Variants in COL4A1 observed in about 807,000 individuals in gnomAD.
COL4A1 encodes the protein collagen alpha-1(IV) chain.
In COL4A1, 40 loss-of-function variants were observed where a neutral mutation model predicts 216.6. The ratio of observed to expected loss-of-function variants is 0.18; its 90% CI spans 0.14 to 0.24. The LOEUF is 0.24. COL4A1 is among the 10% of genes least tolerant of loss of function. The pLI, the probability that COL4A1 is intolerant of heterozygous loss-of-function variation, is 1.00. For missense variants in COL4A1, 1,628 were observed against 2,196.8 expected, an observed-to-expected ratio of 0.74 and a Z score of 5.18; for synonymous variants, 839 against 810.7, an observed-to-expected ratio of 1.03 and a Z score of -0.59.
intron 43 of COL4A1, among the ~76,000 whole-genome samples, chr13:110,168,340 C>A (rs1050035301): frequency 1.3e-5 from 2 of 152,138 alleles, no homozygotes; most frequent in Non-Finnish European, 2.9e-5. Flanking sequence ...TTCTATGTTA[C>A]TGAGGAATAA....
At chr13:110,271,071 C>G (rs576929249) in intron 1 of COL4A1, among the ~76,000 whole-genome samples, 27 of 152,270 alleles carry the variant, frequency 1.8e-4, no homozygotes, top group African/African-American at 4.6e-4. Flanking sequence ...AAATGGATTA[C>G]AATTCATAGA....
Position 110,243,180 on chromosome 13 carries a change from C to T in COL4A1, c.85-446G>A, listed in dbSNP as rs993808561. On this transcript the variant is annotated intron_variant, in intron 1 of 51. Coordinates refer to ENST00000375820, the MANE Select transcript of COL4A1 (RefSeq NM_001845.6). The stretch of plus-strand genomic sequence containing the variant: ...ACGTGGTCTCAAGGACACACGGCCG[C>T]GCAAAAAAAAGTTTGTACAGAACAG... Among the ~76,000 whole-genome samples, 14 of 142,866 alleles carry T rather than the reference C, an allele frequency of 9.8e-5. 1 individual carries two copies. The highest frequency in any genetic ancestry group is 4.4e-4 in the South Asian group (2 of 4,576). 93.7% of individuals were successfully genotyped at this position (142,866 alleles called of 152,430 possible).
At chr13:110,233,148 C>A (rs963761161) in intron 2 of COL4A1, among the ~76,000 whole-genome samples, 5 of 152,158 alleles carry the variant, frequency 3.3e-5, no homozygotes, top group African/African-American at 9.6e-5. Flanking sequence ...TGAATTCAGG[C>A]ATATTTTTAA....
chr13:110,276,374 A>G (rs1427216029), intron 1 of COL4A1, among the ~76,000 whole-genome samples: 1 of 152,164 alleles, frequency 6.6e-6, no homozygotes, highest in Non-Finnish European at 1.5e-5. Context: ...TGGTTCAATA[A>G]ATCACTGCAG....
intron 1 of COL4A1, among the ~76,000 whole-genome samples, chr13:110,289,987 T>C (rs1884020010): frequency 6.6e-6 from 1 of 152,136 alleles, no homozygotes; most frequent in African/African-American, 2.4e-5. Context: ...AGGGTCTGCT[T>C]CTGAAAAGGG....
rs1160736554 is a variant in COL4A1, at chr13:110,150,206, G to A, written c.*157C>T. The A allele has an allele frequency of 2.7e-6, 2 of 727,654 alleles. No homozygotes were observed. The highest frequency in any genetic ancestry group is 4.9e-6 in the Non-Finnish European group (2 of 410,564). 45.1% of individuals were successfully genotyped at this position (727,654 alleles called of 1,614,324 possible). A position where few individuals can be genotyped will look rare whatever the true frequency, so the allele number is the denominator to read the frequency against. ...TCTCCTTCAGCAAGTAGAGGTCAATGAAGCAGGGTGTGTTAGTTACGCAAA... is the reference window on the plus strand; with the variant it reads ...TCTCCTTCAGCAAGTAGAGGTCAATAAAGCAGGGTGTGTTAGTTACGCAAA... On this transcript the variant is annotated 3_prime_UTR_variant, in exon 52 of 52. Transcript: ENST00000375820.
chr13:110,229,334 C>T (rs1463585592), intron 2 of COL4A1, among the ~76,000 whole-genome samples: 7 of 152,214 alleles, frequency 4.6e-5, no homozygotes, highest in South Asian at 2.1e-4. Context: ...AGGACACTAA[C>T]ATTTAGAAGG....
At chr13:110,196,260 T>G (rs920748913) in intron 21 of COL4A1, among the ~76,000 whole-genome samples, 2 of 152,062 alleles carry the variant, frequency 1.3e-5, no homozygotes, top group East Asian at 3.9e-4. Context: ...TCACCATGGG[T>G]CCCCCACAGC....
At chr13:110,251,544 A>G (rs1882072269) in intron 1 of COL4A1, among the ~76,000 whole-genome samples, 1 of 152,204 alleles carries the variant, frequency 6.6e-6, no homozygotes. Context: ...CAAGCTGGAT[A>G]AGGAAAGGTG....
At chr13:110,271,980 G>C (rs1883259813) in intron 1 of COL4A1, among the ~76,000 whole-genome samples, 1 of 152,186 alleles carries the variant, frequency 6.6e-6, no homozygotes, top group Admixed American at 6.5e-5. Context: ...TTCAAAGCCA[G>C]TTTTACAGGT....
At chr13:110,206,535 C>A in intron 15 of COL4A1, 130 bp downstream of exon 15, 1 of 1,069,378 alleles carries the variant, frequency 9.4e-7, no homozygotes, top group Non-Finnish European at 1.4e-6. Flanking sequence ...CGGAAAAGCC[C>A]TTCGGGGCAT....
intron 1 of COL4A1, among the ~76,000 whole-genome samples, chr13:110,248,533 G>A (rs1429529967): frequency 6.6e-6 from 1 of 151,858 alleles, no homozygotes; most frequent in Non-Finnish European, 1.5e-5. Context: ...GCTCTGTGGC[G>A]CAGGCTGGAG....
intron 24 of COL4A1, among the ~76,000 whole-genome samples, chr13:110,187,556 T>C (rs933260552): frequency 6.6e-6 from 1 of 152,134 alleles, no homozygotes; most frequent in African/African-American, 2.4e-5. Flanking sequence ...AATTAGATAT[T>C]TCAAGCAAAG....
At position 110,214,030 on chromosome 13, in the gene COL4A1, C is replaced by T; in HGVS notation, c.145-15G>A. ...CCTCTTTCACCCTACAGAAGAGGAA[C>T]ATCAGTCAGGCAAAAGGCAGCAGTA... On this transcript the variant is annotated splice_polypyrimidine_tract_variant and intron_variant, in intron 2 of 51. Coordinates refer to ENST00000375820, the MANE Select transcript of COL4A1 (RefSeq NM_001845.6). 3.7e-6 allele frequency: 6 copies of T among 1,610,802 alleles called. No homozygotes were observed. The highest frequency in any genetic ancestry group is 5.1e-6 in the Non-Finnish European group (6 of 1,177,196).
In COL4A1 at chr13:110,192,395, G is replaced by T. The variant is rs189461603; in HGVS notation, c.1466-111C>A. 106 of 1,006,152 alleles carry T rather than the reference G, an allele frequency of 1.1e-4. 2 individuals are homozygous for T. The highest frequency in any genetic ancestry group is 9.0e-4 in the African/African-American group (57 of 63,306). The allele number at this position is 1,006,152 out of a possible 1,614,324, so 62.3% of individuals were successfully genotyped here. On this transcript the variant is annotated intron_variant, in intron 23 of 51. Transcript: ENST00000375820. ...AAATCTGTATAGGAAGTGGATGATT[G>T]CTTGGATAATCCAAAGAGAGTAATA... is the stretch of plus-strand genomic sequence containing the variant.
intron 1 of COL4A1, among the ~76,000 whole-genome samples, chr13:110,297,206 T>C (rs6492254): frequency 1 from 152,249 of 152,348 alleles, 76,075 homozygotes; most frequent in Middle Eastern, 1. Flanking sequence ...GGGACCAGCC[T>C]AACTCTGAAG....
chr13:110,289,272 T>G (rs971975117), intron 1 of COL4A1, among the ~76,000 whole-genome samples: 1 of 152,010 alleles, frequency 6.6e-6, no homozygotes, highest in Non-Finnish European at 1.5e-5. Context: ...AGTGATGAGT[T>G]CCAGCTCTAG....
At chr13:110,190,436 T>C (rs1450114978) in intron 24 of COL4A1, among the ~76,000 whole-genome samples, 3 of 152,154 alleles carry the variant, frequency 2.0e-5, no homozygotes, top group Admixed American at 2.0e-4. Flanking sequence ...CCAGGAACCA[T>C]GAAACCTGCT....
At chr13:110,194,627 T>C (rs1490442189) in intron 22 of COL4A1, among the ~76,000 whole-genome samples, 1 of 152,224 alleles carries the variant, frequency 6.6e-6, no homozygotes. Flanking sequence ...GAGCATTCCA[T>C]GTGCAGATTT....
Sources: allele counts gnomAD v4.1 joint callset (sites outside exome capture counted in the v4.1 genomes callset), GRCh38; gene constraint gnomAD v4.1.1; transcripts MANE v1.5; gene names NCBI Gene and HGNC (gene_info 2026-07-23, HGNC 2026-07-21).